GDPD5: variants seen among roughly 807,000 people sequenced by gnomAD.
GDPD5 encodes the protein glycerophosphodiester phosphodiesterase domain containing 5, also known as glycerophosphodiester phosphodiesterase 2.
Under a neutral mutation model 75.1 loss-of-function variants are expected in GDPD5, and 48 were observed. The ratio of observed to expected loss-of-function variants is 0.64; its 90% CI spans 0.51 to 0.81. The LOEUF is 0.81. GDPD5 is among the 40% of genes least tolerant of loss of function. GDPD5 has a pLI of 0.00. For missense variants in GDPD5, 706 were observed against 822.6 expected (o/e 0.86, Z 1.73); for synonymous variants, 336 against 339.0 (o/e 0.99, Z 0.10).
chr11:75,449,039 T>C lies in GDPD5; in HGVS notation c.652A>G (p.Ile218Val), dbSNP rs765286093. Residue 218 changes from isoleucine to valine, a missense_variant, in exon 9 of 17, where the codon ATC (isoleucine) becomes GTC (valine). By Grantham distance (29) the Ile-to-Val change is conservative. Coordinates refer to ENST00000336898, the MANE Select transcript of GDPD5 (RefSeq NM_030792.8). Reference protein sequence around the residue: ...LAPLTISSPCIMEKKDLGPKP... With the variant: ...LAPLTISSPCVMEKKDLGPKP... Reference sequence around the variant, plus strand: ...GGGCCGAGGTCTTTCTTCTCCATGATGCAGGGAGAGGAGATGGTGAGAGGG... The same window carrying C: ...GGGCCGAGGTCTTTCTTCTCCATGACGCAGGGAGAGGAGATGGTGAGAGGG... The C allele has an allele frequency of 1.9e-6, 3 of 1,607,834 alleles. No individual in the cohort carries two copies. The highest frequency in any genetic ancestry group is 1.7e-5 in the Admixed American group (1 of 57,826).
At chr11:75,456,933 G>A (rs1045487705) in intron 5 of GDPD5, 117 bp from the exon 6 acceptor site, 20 of 971,098 alleles carry the variant, frequency 2.1e-5, no homozygotes, top group East Asian at 7.4e-5. Context: ...CAGAGGCAGC[G>A]AACCTCCCTC....
intron 1 of GDPD5, among the ~76,000 whole-genome samples, chr11:75,515,691 C>T (rs1276301338): frequency 4.6e-5 from 7 of 152,192 alleles, no homozygotes; most frequent in Non-Finnish European, 5.9e-5. Context: ...ATGGGCAAGT[C>T]GCAGCAGGGC....
chr11:75,489,740 A>ATT (rs749421547), intron 2 of GDPD5, among the ~76,000 whole-genome samples: 14 of 139,314 alleles, frequency 1.0e-4, no homozygotes, highest in Non-Finnish European at 7.9e-5. Context: ...CTGGGTTTTC[A>ATT]TTTTTTTTTT....
chr11:75,507,265 A>G (rs1293063073), intron 1 of GDPD5, among the ~76,000 whole-genome samples: 2 of 152,220 alleles, frequency 1.3e-5, no homozygotes, highest in Non-Finnish European at 1.5e-5. Context: ...CCAAGGTCAC[A>G]GGCCAGAAAG....
intron 1 of GDPD5, among the ~76,000 whole-genome samples, chr11:75,497,493 G>A (rs1320774591): frequency 1.3e-5 from 2 of 152,034 alleles, no homozygotes; most frequent in Non-Finnish European, 2.9e-5. Flanking sequence ...ACAGTGAGGG[G>A]GCTCTGGAAT....
chr11:75,444,439 G>A lies in GDPD5; in HGVS notation c.771C>T (p.Tyr257=), dbSNP rs764322153. 2.0e-5 allele frequency: 33 copies of A among 1,613,396 alleles called. No individual in the cohort carries two copies. The highest frequency in any genetic ancestry group is 2.0e-4 in the East Asian group (9 of 44,874). The change falls in exon 10 of 17, where the codon TAC becomes TAT. Residue 257 remains tyrosine, a synonymous_variant. Coordinates refer to ENST00000336898, the MANE Select transcript of GDPD5 (RefSeq NM_030792.8). ...SFRKALEQKL[Y]GLQADITISL... ...TGATGGTAATGTCAGCCTGGAGCCC[G>A]TACAGCTTCTGCTCGAGGGCCTTCC...
At chr11:75,492,811 C>T (rs1399736514) in intron 1 of GDPD5, among the ~76,000 whole-genome samples, 1 of 152,158 alleles carries the variant, frequency 6.6e-6, no homozygotes, top group Non-Finnish European at 1.5e-5. Context: ...TGGCTTGCTG[C>T]AACCTCCACC....
intron 2 of GDPD5, among the ~76,000 whole-genome samples, chr11:75,482,236 T>C (rs908149397): frequency 2.0e-5 from 3 of 152,184 alleles, no homozygotes; most frequent in Admixed American, 6.5e-5. Flanking sequence ...ACTTCGCTGA[T>C]ACTGGCTCTC....
intron 1 of GDPD5, among the ~76,000 whole-genome samples, chr11:75,491,882 G>T (rs1950115399): frequency 1.3e-5 from 2 of 152,108 alleles, no homozygotes; most frequent in Admixed American, 6.5e-5. Context: ...CCTACAAGTG[G>T]CACAAAATGT....
chr11:75,496,039 C>T (rs994510127), intron 1 of GDPD5, among the ~76,000 whole-genome samples: 3 of 152,212 alleles, frequency 2.0e-5, no homozygotes, highest in African/African-American at 7.2e-5. Context: ...ACTTGACTGG[C>T]CTCTTCCACA....
intron 12 of GDPD5, 51 bp from the exon 13 acceptor site, chr11:75,441,854 A>G (rs1413976921): frequency 1.9e-6 from 3 of 1,543,178 alleles, no homozygotes; most frequent in Admixed American, 1.8e-5. Context: ...ACGATGCGTA[A>G]GAGTACCTAC....
rs761268895 is a variant in GDPD5, at chr11:75,442,384, G to A, written c.1146C>T (p.His382=). The A allele has an allele frequency of 1.3e-6, 2 of 1,570,904 alleles. No individual in the cohort carries two copies. The highest frequency in any genetic ancestry group is 8.6e-7 in the Non-Finnish European group (1 of 1,158,610). ...FINVTLEAVL[H]SGFPQHQVMW... is the part of the protein sequence containing the mutation. ...TCACCTGGTGCTGGGGGAAGCCGGAGTGCAGCACGGCCTCCAGAGTCACGT... is the reference window on the plus strand; with the variant it reads ...TCACCTGGTGCTGGGGGAAGCCGGAATGCAGCACGGCCTCCAGAGTCACGT... The change falls in exon 12 of 17, where the codon CAC becomes CAT. Residue 382 remains histidine (H), a synonymous_variant. Transcript: ENST00000336898.
chr11:75,510,760 C>T (rs769356278), intron 1 of GDPD5, among the ~76,000 whole-genome samples: 1 of 151,986 alleles, frequency 6.6e-6, no homozygotes, highest in Middle Eastern at 3.4e-3. Context: ...CCCCCTCCCC[C>T]CTCCTCCTCC....
chr11:75,437,207 G>A, intron 15 of GDPD5, 159 bp from the exon 16 acceptor site: 1 of 601,886 alleles, frequency 1.7e-6, no homozygotes, highest in Non-Finnish European at 2.9e-6. Context: ...GGGCAGAGTT[G>A]GGGCTTGAAT....
In GDPD5 at chr11:75,462,840, A is replaced by G; in HGVS notation, c.167T>C (p.Leu56Pro). The change falls in exon 4 of 17, where the codon CTC becomes CCC. Residue 56 changes from leucine (L) to proline (P), a missense_variant. Transcript: ENST00000336898. ...TTCCCACCAGAAGTAAAGCCAGGTG[A>G]GCGTGAGGCCAAAGGTGAAGGTGAG... Reference protein sequence around the residue: ...LLLTFTFGLTLTWLYFWWEVH... With the variant: ...LLLTFTFGLTPTWLYFWWEVH... 1 of 1,614,122 alleles carries G rather than the reference A, an allele frequency of 6.2e-7. No homozygotes were observed. Among genetic ancestry groups the G allele is most frequent in the South Asian group, 1.1e-5 (1 of 91,076 alleles).
chr11:75,523,864 A>C, intron 1 of GDPD5, among the ~76,000 whole-genome samples: 1 of 152,168 alleles, frequency 6.6e-6, no homozygotes, highest in Non-Finnish European at 1.5e-5. Flanking sequence ...CAGACCTCTC[A>C]CCACGCTCCT....
intron 3 of GDPD5, among the ~76,000 whole-genome samples, chr11:75,473,930 C>A (rs969472281): frequency 6.6e-6 from 1 of 152,170 alleles, no homozygotes; most frequent in Non-Finnish European, 1.5e-5. Flanking sequence ...TCTGTTCCCC[C>A]ACAAGCCTGG....
chr11:75,476,730 T>C (rs912745115), intron 3 of GDPD5, among the ~76,000 whole-genome samples: 3 of 152,002 alleles, frequency 2.0e-5, no homozygotes, highest in Non-Finnish European at 4.4e-5. Flanking sequence ...TATTTGGAGG[T>C]GACGAACCCA....
At chr11:75,512,897 G>A (rs1185739295) in intron 1 of GDPD5, among the ~76,000 whole-genome samples, 1 of 152,288 alleles carries the variant, frequency 6.6e-6, no homozygotes, top group Non-Finnish European at 1.5e-5. Context: ...AAAAAAGAAA[G>A]AAAGAAAGAA....
Sources: allele counts gnomAD v4.1 joint callset (sites outside exome capture counted in the v4.1 genomes callset), GRCh38; gene constraint gnomAD v4.1.1; transcripts MANE v1.5; gene names NCBI Gene and HGNC (gene_info 2026-07-23, HGNC 2026-07-21).